Variants in CYFIP1 observed in about 807,000 individuals in gnomAD.
CYFIP1 encodes cytoplasmic FMR1-interacting protein 1.
In CYFIP1, 58 loss-of-function variants were observed where a neutral mutation model predicts 163.5. That is an observed-to-expected ratio of 0.35 (90% CI 0.29 to 0.44). The LOEUF (loss-of-function observed/expected upper bound fraction) is 0.44, where lower values mean the gene tolerates loss of function less well. Among genes scored for constraint, CYFIP1 ranks in the 20% least tolerant of loss-of-function variants. CYFIP1 has a pLI of 1.00. For synonymous variants in CYFIP1, 663 were observed against 660.7 expected (o/e 1.00, Z -0.05); for missense variants, 1,338 against 1,653.8 (o/e 0.81, Z 3.31).
intron 1 of CYFIP1, among the ~76,000 whole-genome samples, chr15:22,960,531 C>T (rs376283518): frequency 6.6e-6 from 1 of 152,212 alleles, no homozygotes; most frequent in Non-Finnish European, 1.5e-5. Flanking sequence ...AGCTCCGGGT[C>T]TTCACGAAAA....
rs1043699347 is a variant in CYFIP1, at chr15:22,881,866, C to T, written c.2891G>A (p.Arg964Gln). 3.7e-6 allele frequency: 6 copies of T among 1,611,620 alleles called. No homozygotes were observed. Among genetic ancestry groups the T allele is most frequent in the Non-Finnish European group, 4.2e-6 (5 of 1,179,966 alleles). ...EVMPKICRLPRHEYGSPGILE... is the reference protein window; with the variant it reads ...EVMPKICRLPQHEYGSPGILE... ...CTCACCAGGAGAGCCGTACTCGTGC[C>T]GGGGCAGGCGGCAGATCTTGGGCAT... The change falls in exon 25 of 31, where the codon CGG (arginine) becomes CAG (glutamine). Residue 964 changes from arginine to glutamine, a missense_variant. By Grantham distance (43) the Arg-to-Gln change is conservative (BLOSUM62 1). Coordinates refer to ENST00000617928, the MANE Select transcript of CYFIP1 (RefSeq NM_014608.6).
At chr15:22,883,272 T>C (rs570182436) in intron 23 of CYFIP1, among the ~76,000 whole-genome samples, 2 of 152,248 alleles carry the variant, frequency 1.3e-5, no homozygotes, top group East Asian at 3.9e-4. Context: ...CTAGAAGCCA[T>C]TTTGAAGTCT....
Position 22,873,746 on chromosome 15 carries a change from C to G in CYFIP1, c.3211-17G>C. On this transcript the variant is annotated splice_polypyrimidine_tract_variant and intron_variant, in intron 28 of 30. Transcript: ENST00000617928. ...GGCAATTTGCTGCAGAAAGGACAAGCCGTGGAATGCCGTGGGCCTCCAGGC... is the reference window on the plus strand; with the variant it reads ...GGCAATTTGCTGCAGAAAGGACAAGGCGTGGAATGCCGTGGGCCTCCAGGC... 1 of 1,593,042 alleles carries G rather than the reference C, an allele frequency of 6.3e-7. No individual in the cohort carries two copies. Among genetic ancestry groups the G allele is most frequent in the Non-Finnish European group, 8.6e-7 (1 of 1,164,936 alleles).
At chr15:22,937,058 T>C (rs569101319) in intron 9 of CYFIP1, 46 bp downstream of exon 9, 1 of 1,340,762 alleles carries the variant, frequency 7.5e-7, no homozygotes, top group African/African-American at 1.4e-5. Flanking sequence ...AAATTCAAAG[T>C]GCACACAAAT....
intron 20 of CYFIP1, among the ~76,000 whole-genome samples, chr15:22,910,158 T>G (rs980503363): frequency 8.5e-5 from 13 of 152,056 alleles, no homozygotes; most frequent in Non-Finnish European, 1.5e-4. Context: ...CTCAATCATT[T>G]TTTTTTTCTT....
At chr15:22,927,354 CG>C (rs1463629827) in intron 12 of CYFIP1, among the ~76,000 whole-genome samples, 13 of 151,766 alleles carry the variant, frequency 8.6e-5, no homozygotes, top group African/African-American at 3.1e-4. Flanking sequence ...TGGTGGTGGG[CG>C]CCTGTAATCC....
At chr15:22,938,028 G>A (rs1463915722) in intron 8 of CYFIP1, among the ~76,000 whole-genome samples, 2 of 152,150 alleles carry the variant, frequency 1.3e-5, no homozygotes, top group Non-Finnish European at 2.9e-5. Context: ...AAAGCACTCC[G>A]TGGACAGTGC....
At chr15:22,872,751 C>T in intron 30 of CYFIP1, 74 bp downstream of exon 30, 5 of 1,503,402 alleles carry the variant, frequency 3.3e-6, no homozygotes, top group Non-Finnish European at 4.6e-6. Flanking sequence ...TTGCCAGAAA[C>T]AAGAACTTAT....
At chr15:22,916,200 A>T (rs546573715) in intron 16 of CYFIP1, among the ~76,000 whole-genome samples, 1 of 152,312 alleles carries the variant, frequency 6.6e-6, no homozygotes, top group South Asian at 2.1e-4. Context: ...ACCAGATTAC[A>T]TTCGCCTGTT....
intron 5 of CYFIP1, 25 bp from the exon 6 acceptor site, chr15:22,943,379 G>A: frequency 6.2e-7 from 1 of 1,609,514 alleles, no homozygotes; most frequent in Non-Finnish European, 8.5e-7. Flanking sequence ...CAGGAGGGCA[G>A]AAAGCTGCAG....
intron 22 of CYFIP1, among the ~76,000 whole-genome samples, chr15:22,901,985 T>C (rs1391475697): frequency 6.6e-6 from 1 of 151,972 alleles, no homozygotes; most frequent in Non-Finnish European, 1.5e-5. Context: ...CAAGCTAGGG[T>C]TCCCTGTGAA....
intron 16 of CYFIP1, 73 bp from the exon 17 acceptor site, chr15:22,914,955 G>C (rs1207696409): frequency 6.7e-7 from 1 of 1,483,216 alleles, no homozygotes; most frequent in East Asian, 2.3e-5. Flanking sequence ...TGACACAAGG[G>C]CTGTGTGCTG....
intron 22 of CYFIP1, among the ~76,000 whole-genome samples, chr15:22,899,632 C>T (rs1299288280): frequency 6.6e-6 from 1 of 152,192 alleles, no homozygotes; most frequent in Non-Finnish European, 1.5e-5. Flanking sequence ...CTATGTAGAA[C>T]CATAAGTCCA....
chr15:22,956,188 CAG>C (rs1487200756), intron 1 of CYFIP1, among the ~76,000 whole-genome samples: 1 of 152,020 alleles, frequency 6.6e-6, no homozygotes, highest in Non-Finnish European at 1.5e-5. Context: ...GCCTGGGCGA[CAG>C]AGTGAGACTC....
chr15:22,877,672 A>AC (rs1228309187), intron 26 of CYFIP1, among the ~76,000 whole-genome samples: 2 of 152,096 alleles, frequency 1.3e-5, no homozygotes, highest in Non-Finnish European at 2.9e-5. Context: ...TCCATCTTGT[A>AC]CCCCTCACAC....
chr15:22,947,873 G>A (rs1790989954), intron 1 of CYFIP1: 1 of 909,606 alleles, frequency 1.1e-6, no homozygotes. Flanking sequence ...AGCTGGAGCA[G>A]AGGTGCAGAA....
At chr15:22,958,557 A>G (rs1443049311) in intron 1 of CYFIP1, among the ~76,000 whole-genome samples, 2 of 152,212 alleles carry the variant, frequency 1.3e-5, no homozygotes, top group Non-Finnish European at 2.9e-5. Flanking sequence ...TCCACGCCAC[A>G]TGGCCTCCGC....
At chr15:22,963,560 A>ATAACAT (rs199915541) in intron 1 of CYFIP1, among the ~76,000 whole-genome samples, 1,958 of 118,556 alleles carry the variant, frequency 0.017, 26 homozygotes, top group Non-Finnish European at 0.016. Flanking sequence ...ATAACATAAG[A>ATAACAT]AAGAATGAAA....
chr15:22,951,204 G>T (rs1194897839), intron 1 of CYFIP1: 2 of 494,630 alleles, frequency 4.0e-6, no homozygotes, highest in African/African-American at 2.1e-5. Context: ...GGCACCGGCC[G>T]CACCGCCAGC....
Sources: allele counts gnomAD v4.1 joint callset (sites outside exome capture counted in the v4.1 genomes callset), GRCh38; gene constraint gnomAD v4.1.1; transcripts MANE v1.5; gene names NCBI Gene and HGNC (gene_info 2026-07-23, HGNC 2026-07-21).